TBL1Y: variants seen among roughly 807,000 people sequenced by gnomAD.
TBL1Y encodes transducin beta like 1 Y-linked, also known as F-box-like/WD repeat-containing protein TBL1Y.
A neutral mutation model predicts 12.0 loss-of-function variants in TBL1Y; 15 were observed. The observed-to-expected ratio is 1.25, with a 90% confidence interval of 0.83 to 1.92. The LOEUF (loss-of-function observed/expected upper bound fraction) is 1.92. Among genes scored for constraint, TBL1Y ranks in the 40% most tolerant of loss-of-function variants. The probability of loss-of-function intolerance (pLI) is 0.00; values close to 1 mark genes in which losing one functional copy is unlikely to be tolerated. For synonymous variants in TBL1Y, 53 were observed against 42.6 expected, an observed-to-expected ratio of 1.24 and a Z score of -0.95; for missense variants, 148 against 116.7, an observed-to-expected ratio of 1.27 and a Z score of -1.24.
chrY:7,003,562 G>C (rs781355133), intron 4 of TBL1Y, among the ~76,000 whole-genome samples: 2 of 33,454 alleles, frequency 6.0e-5, no homozygotes, highest in South Asian at 1.4e-3. Context: ...CTGGGGACTG[G>C]ATGTGTTCAC....
Position 7,086,316 on chromosome Y carries a change from C to T in TBL1Y, c.1179C>T (p.Cys393=), listed in dbSNP as rs370410726. The T allele has an allele frequency of 6.8e-4, 262 of 382,800 alleles. No individual in the cohort carries two copies. Among genetic ancestry groups the T allele is most frequent in the Middle Eastern group, 3.9e-3 (6 of 1,546 alleles). The change falls in exon 16 of 19, where the codon TGC becomes TGT. Residue 393 remains cysteine (C), a synonymous_variant. Coordinates refer to ENST00000383032, the MANE Select transcript of TBL1Y (RefSeq NM_033284.2). ...LKIWSMKQDA[C]VHDLQAHSKE... ...TCTGGAGTATGAAGCAGGATGCATGCGTCCACGATCTTCAGGCTCACAGCA... is the reference window on the plus strand; with the variant it reads ...TCTGGAGTATGAAGCAGGATGCATGTGTCCACGATCTTCAGGCTCACAGCA...
intron 3 of TBL1Y, among the ~76,000 whole-genome samples, chrY:6,986,040 C>T (rs2012314914): frequency 3.1e-5 from 1 of 32,562 alleles, no homozygotes; most frequent in African/African-American, 1.2e-4. Context: ...CTCCTTTCCA[C>T]GGGCTGCAAA....
intron 5 of TBL1Y, among the ~76,000 whole-genome samples, chrY:7,023,902 C>T: frequency 3.0e-5 from 1 of 32,858 alleles, no homozygotes; most frequent in Non-Finnish European, 7.5e-5. Flanking sequence ...TTCTCCCTCC[C>T]CACTCTCCAA....
intron 4 of TBL1Y, among the ~76,000 whole-genome samples, chrY:7,005,949 C>T (rs2012483576): frequency 3.1e-5 from 1 of 32,309 alleles, no homozygotes; most frequent in African/African-American, 1.2e-4. Flanking sequence ...AAGAGCTGTT[C>T]TCTGCACTGA....
chrY:6,966,528 T>C (rs2012169767), intron 2 of TBL1Y, among the ~76,000 whole-genome samples: 2 of 33,330 alleles, frequency 6.0e-5, no homozygotes, highest in African/African-American at 2.3e-4. Context: ...AATATTCCCA[T>C]GTAATTTTTG....
chrY:7,025,354 C>T, intron 6 of TBL1Y, among the ~76,000 whole-genome samples: 3 of 33,823 alleles, frequency 8.9e-5, no homozygotes. Context: ...TACATGTTTA[C>T]TACACACAGC....
intron 2 of TBL1Y, among the ~76,000 whole-genome samples, chrY:6,976,470 T>C (rs2012241659): frequency 3.0e-5 from 1 of 33,575 alleles, no homozygotes; most frequent in Non-Finnish European, 7.4e-5. Flanking sequence ...ATTGCTTTGA[T>C]GAGCCAGATG....
At chrY:6,996,950 C>G in intron 4 of TBL1Y, among the ~76,000 whole-genome samples, 1 of 32,878 alleles carries the variant, frequency 3.0e-5, no homozygotes, top group African/African-American at 1.2e-4. Flanking sequence ...ATGTCACACT[C>G]ATAAACAAAC....
intron 2 of TBL1Y, chrY:6,919,211 G>C: frequency 6.0e-5 from 2 of 33,280 alleles, no homozygotes; most frequent in African/African-American, 2.4e-4. Context: ...GACTATAACT[G>C]TATACTTTTA....
intron 8 of TBL1Y, among the ~76,000 whole-genome samples, chrY:7,066,415 T>C (rs775861734): frequency 3.0e-5 from 1 of 33,677 alleles, no homozygotes; most frequent in South Asian, 6.7e-4. Flanking sequence ...TCACCCAGGC[T>C]GGAGTGCAGT....
At chrY:6,931,566 C>T in intron 2 of TBL1Y, among the ~76,000 whole-genome samples, 1 of 33,964 alleles carries the variant, frequency 2.9e-5, no homozygotes, top group Non-Finnish European at 7.3e-5. Context: ...TAATTGTATG[C>T]GAAGCTTTAT....
intron 4 of TBL1Y, among the ~76,000 whole-genome samples, chrY:7,004,948 T>C: frequency 3.0e-5 from 1 of 33,780 alleles, no homozygotes; most frequent in Admixed American, 2.7e-4. Context: ...CTAAGGATAC[T>C]TTTAATATTT....
intron 2 of TBL1Y, among the ~76,000 whole-genome samples, chrY:6,916,119 A>G (rs2011732700): frequency 3.1e-5 from 1 of 32,475 alleles, no homozygotes; most frequent in Non-Finnish European, 7.5e-5. Flanking sequence ...TTTCGTGTGA[A>G]GGAAGTAACT....
intron 2 of TBL1Y, among the ~76,000 whole-genome samples, chrY:6,962,479 G>A: frequency 3.0e-5 from 1 of 33,613 alleles, no homozygotes; most frequent in Admixed American, 2.7e-4. Flanking sequence ...TTTGTAGCCT[G>A]TACTACATAT....
chrY:7,065,046 G>A, intron 8 of TBL1Y, among the ~76,000 whole-genome samples: 1 of 33,256 alleles, frequency 3.0e-5, no homozygotes, highest in Non-Finnish European at 7.4e-5. Flanking sequence ...ACTATGCAGT[G>A]ACATGGGGCA....
At chrY:6,924,566 C>T (rs2011812429) in intron 2 of TBL1Y, among the ~76,000 whole-genome samples, 3 of 21,354 alleles carry the variant, frequency 1.4e-4, no homozygotes, top group East Asian at 2.3e-3. Context: ...CCAGTCTGGG[C>T]GACAGAGTGA....
At chrY:6,987,314 C>A (rs1052798418) in intron 3 of TBL1Y, among the ~76,000 whole-genome samples, 1 of 15,834 alleles carries the variant, frequency 6.3e-5, no homozygotes, top group Non-Finnish European at 1.4e-4. Context: ...TTTTTTTTTT[C>A]TCTTTGAGAT....
intron 16 of TBL1Y, among the ~76,000 whole-genome samples, 182 bp from the exon 17 acceptor site, chrY:7,087,085 T>C: frequency 7.8e-5 from 2 of 25,653 alleles, no homozygotes; most frequent in Non-Finnish European, 8.8e-5. Context: ...TATCTTATAT[T>C]TTTTATATAG....
chrY:6,968,955 T>A, intron 2 of TBL1Y, among the ~76,000 whole-genome samples: 1 of 32,213 alleles, frequency 3.1e-5, no homozygotes, highest in African/African-American at 1.2e-4. Flanking sequence ...GCAGGACAGT[T>A]TCTAAGGCAA....
Sources: allele counts gnomAD v4.1 joint callset (sites outside exome capture counted in the v4.1 genomes callset), GRCh38; gene constraint gnomAD v4.1.1; transcripts MANE v1.5; gene names NCBI Gene and HGNC (gene_info 2026-07-23, HGNC 2026-07-21).